CREB3L2: variants seen among roughly 807,000 people sequenced by gnomAD.
CREB3L2 encodes cyclic AMP-responsive element-binding protein 3-like protein 2.
A neutral mutation model predicts 57.2 loss-of-function variants in CREB3L2; 23 were observed. That is an observed-to-expected ratio of 0.40 (90% CI 0.29 to 0.57). The LOEUF is 0.57. Among genes scored for constraint, CREB3L2 ranks in the 20% least tolerant of loss-of-function variants. CREB3L2 has a pLI of 0.42. For synonymous variants in CREB3L2, 268 were observed against 265.1 expected, an observed-to-expected ratio of 1.01 and a Z score of -0.11; for missense variants, 628 against 634.7, an observed-to-expected ratio of 0.99 and a Z score of 0.11.
At chr7:137,906,495 C>T (rs571104492) in intron 5 of CREB3L2, among the ~76,000 whole-genome samples, 2 of 152,342 alleles carry the variant, frequency 1.3e-5, no homozygotes, top group East Asian at 1.9e-4. Context: ...TAGCTCCATA[C>T]TAAATGCCAT....
At chr7:137,892,449 G>A (rs934914292) in intron 8 of CREB3L2, among the ~76,000 whole-genome samples, 10 of 151,680 alleles carry the variant, frequency 6.6e-5, no homozygotes, top group South Asian at 4.2e-4. Flanking sequence ...TCAGGAGTTC[G>A]AGACCAGCCT....
intron 7 of CREB3L2, among the ~76,000 whole-genome samples, chr7:137,901,883 A>AAAAAAAAG (rs1554495241): frequency 6.8e-6 from 1 of 146,262 alleles, no homozygotes; most frequent in Non-Finnish European, 1.5e-5. Flanking sequence ...TCAAAAAAAA[A>AAAAAAAAG]AAAAAAAAAG....
intron 1 of CREB3L2, among the ~76,000 whole-genome samples, chr7:137,987,866 G>C (rs1027134770): frequency 6.6e-6 from 1 of 152,106 alleles, no homozygotes; most frequent in African/African-American, 2.4e-5. Context: ...TTTTTTAAAA[G>C]TTTGTAACAC....
At chr7:137,909,843 C>T (rs1432815597) in intron 4 of CREB3L2, among the ~76,000 whole-genome samples, 1 of 152,144 alleles carries the variant, frequency 6.6e-6, no homozygotes, top group Admixed American at 6.5e-5. Flanking sequence ...AGGGACCCAG[C>T]GGGAGATCAT....
chr7:137,878,839 T>TGGTACA lies in CREB3L2; in HGVS notation c.*1636_*1637insTGTACC, dbSNP rs940727403. ...ATAACATCAAATCCTGTACCTGATA[T>TGGTACA]GGAATGGAAGCCAGGGTGTGGGCTT... On this transcript the variant is annotated 3_prime_UTR_variant, in exon 12 of 12. Coordinates refer to ENST00000330387, the MANE Select transcript of CREB3L2 (RefSeq NM_194071.4). 2.7e-5 allele frequency: 8 copies of TGGTACA among 300,980 alleles called. No homozygotes were observed. The Middle Eastern group carries it at 7.0e-3, about 264-fold the overall frequency. 18.6% of individuals were successfully genotyped at this position (300,980 alleles called of 1,614,324 possible).
intron 1 of CREB3L2, among the ~76,000 whole-genome samples, chr7:137,992,752 A>C (rs1389421579): frequency 6.6e-6 from 1 of 152,234 alleles, no homozygotes; most frequent in Non-Finnish European, 1.5e-5. Context: ...AGCTTGCCAG[A>C]GTGTCATGGA....
At chr7:137,937,867 C>T (rs559102706) in intron 1 of CREB3L2, among the ~76,000 whole-genome samples, 2 of 149,444 alleles carry the variant, frequency 1.3e-5, no homozygotes, top group East Asian at 3.9e-4. Flanking sequence ...GTACACCTTG[C>T]TTGGTAGTAT....
At chr7:137,909,748 C>T (rs1799966593) in intron 4 of CREB3L2, among the ~76,000 whole-genome samples, 1 of 152,166 alleles carries the variant, frequency 6.6e-6, no homozygotes, top group Non-Finnish European at 1.5e-5. Flanking sequence ...ATGACCTTAC[C>T]CATAGCTGCC....
intron 1 of CREB3L2, among the ~76,000 whole-genome samples, chr7:137,988,132 C>G (rs1260940558): frequency 6.6e-6 from 1 of 152,232 alleles, no homozygotes; most frequent in East Asian, 1.9e-4. Flanking sequence ...ACATGCCCGA[C>G]CTCAGGCCCA....
chr7:137,953,283 G>A (rs1801138168), intron 1 of CREB3L2: 2 of 369,030 alleles, frequency 5.4e-6, no homozygotes, highest in Non-Finnish European at 5.4e-6. Context: ...GCTCCCGGTG[G>A]TGTTTCACTG....
chr7:137,970,827 T>C (rs1457624199), intron 1 of CREB3L2, among the ~76,000 whole-genome samples: 1 of 152,200 alleles, frequency 6.6e-6, no homozygotes, highest in African/African-American at 2.4e-5. Flanking sequence ...CTAAAAAGAA[T>C]GTCTGGAACC....
chr7:137,891,817 G>A (rs1799533151), intron 8 of CREB3L2, among the ~76,000 whole-genome samples: 2 of 152,134 alleles, frequency 1.3e-5, no homozygotes, highest in Admixed American at 1.3e-4. Context: ...GACCTCAGGT[G>A]ATCCGCCCAC....
At chr7:137,994,858 T>C (rs569059162) in intron 1 of CREB3L2, among the ~76,000 whole-genome samples, 2 of 152,336 alleles carry the variant, frequency 1.3e-5, no homozygotes, top group Non-Finnish European at 2.9e-5. Flanking sequence ...GGCAAATTAC[T>C]GTGAATTTTA....
intron 1 of CREB3L2, among the ~76,000 whole-genome samples, chr7:137,969,373 G>A (rs1428972624): frequency 8.3e-6 from 1 of 120,896 alleles, no homozygotes; most frequent in East Asian, 2.4e-4. Context: ...TTGAGACAGA[G>A]TCTCATGCCG....
chr7:137,878,485 C>T lies in CREB3L2; in HGVS notation c.*1991G>A. 4.3e-6 allele frequency: 1 copy of T among 233,398 alleles called. No individual in the cohort carries two copies. Among genetic ancestry groups the T allele is most frequent in the African/African-American group, 2.2e-5 (1 of 45,450 alleles). The allele number at this position is 233,398 out of a possible 1,614,324, so 14.5% of individuals were successfully genotyped here. ...AGTGGAGGCCCATGGTTACCAGACACCAGCCAGGCCCAACAGGATCTGGGC... is the reference window on the plus strand; with the variant it reads ...AGTGGAGGCCCATGGTTACCAGACATCAGCCAGGCCCAACAGGATCTGGGC... On this transcript the variant is annotated 3_prime_UTR_variant, in exon 12 of 12. Coordinates refer to ENST00000330387, the MANE Select transcript of CREB3L2 (RefSeq NM_194071.4).
At chr7:137,963,835 G>GT (rs939455985) in intron 1 of CREB3L2, among the ~76,000 whole-genome samples, 189 of 150,810 alleles carry the variant, frequency 1.3e-3, no homozygotes, top group Middle Eastern at 0.01. Flanking sequence ...TTATTTTGGT[G>GT]TTTTTTTTTA....
Position 138,001,755 on chromosome 7 carries a change from C to G in CREB3L2, c.-50G>C. 4 of 1,361,968 alleles carry G rather than the reference C, an allele frequency of 2.9e-6. No homozygotes were observed. The highest frequency in any genetic ancestry group is 4.0e-6 in the Non-Finnish European group (4 of 1,005,150). The allele number at this position is 1,361,968 out of a possible 1,614,324, so 84.4% of individuals were successfully genotyped here. A position where few individuals can be genotyped will look rare whatever the true frequency, so the allele number is the denominator to read the frequency against. ...AGGATGCTAAGCGCAGGAGGGGACG[C>G]GCAGAGCTGCCTCGGACCGGCAAGG... is the stretch of plus-strand genomic sequence containing the variant. On this transcript the variant is annotated 5_prime_UTR_variant, in exon 1 of 12. Transcript: ENST00000330387. This position sits in a 1 kb window ranked among gnomAD's most constrained non-coding sequence, Gnocchi z 4.2.
intron 2 of CREB3L2, among the ~76,000 whole-genome samples, chr7:137,917,795 A>G (rs1040391661): frequency 7.2e-5 from 11 of 152,180 alleles, no homozygotes; most frequent in African/African-American, 2.7e-4. Context: ...TTATTTCCCA[A>G]GGTGAAATAA....
rs576460127 is a variant in CREB3L2, at chr7:137,879,370, A to C, written c.*1106T>G. Reference sequence around the variant, plus strand: ...GAGGAGGGGGCCAGGCAGGTGTGGAAAGCCAGCAAGGTTGTCTGAAATGTC... The same window carrying C: ...GAGGAGGGGGCCAGGCAGGTGTGGACAGCCAGCAAGGTTGTCTGAAATGTC... On this transcript the variant is annotated 3_prime_UTR_variant, in exon 12 of 12. Transcript: ENST00000330387. The C allele has an allele frequency of 2.9e-5, 14 of 480,834 alleles. No homozygotes were observed. Among genetic ancestry groups the C allele is most frequent in the Admixed American group, 2.9e-4 (10 of 34,364 alleles). 29.8% of individuals were successfully genotyped at this position (480,834 alleles called of 1,614,324 possible).
Sources: gnomAD v4.1 joint callset for allele counts (sites outside exome capture counted in the v4.1 genomes callset) on GRCh38, gnomAD v4.1.1 for gene constraint, Gnocchi (gnomAD v3.1) non-coding constraint, MANE v1.5 for transcripts, NCBI Gene and HGNC (gene_info 2026-07-23, HGNC 2026-07-21) for gene names.